The following RTN1 variants were observed in gnomAD, a reference collection of about 807,000 sequenced individuals.
RTN1 encodes reticulon-1.
In RTN1, 25 loss-of-function variants were observed where a neutral mutation model predicts 65.5. The ratio of observed to expected loss-of-function variants is 0.38; its 90% CI spans 0.28 to 0.53. RTN1 has a LOEUF of 0.53. Among genes scored for constraint, RTN1 ranks in the 20% least tolerant of loss-of-function variants. The pLI, the probability that RTN1 is intolerant of heterozygous loss-of-function variation, is 0.79. For missense variants in RTN1, 983 were observed against 1,025.4 expected (o/e 0.96, Z 0.57); for synonymous variants, 471 against 447.6 (o/e 1.05, Z -0.66).
intron 3 of RTN1, among the ~76,000 whole-genome samples, chr14:59,720,044 T>A (rs1884615484): frequency 1.3e-5 from 2 of 152,168 alleles, no homozygotes; most frequent in Admixed American, 6.5e-5. Flanking sequence ...AAACCAAATT[T>A]ACTAGGAGGG....
intron 3 of RTN1, among the ~76,000 whole-genome samples, chr14:59,665,585 A>G (rs1173574557): frequency 6.6e-6 from 1 of 152,232 alleles, no homozygotes. Flanking sequence ...AGATTCACAT[A>G]TAACAATATT....
rs1350429882 is a variant in RTN1 at position 59,745,963 on chromosome 14, A to G, written c.760T>C (p.Leu254=). The G allele has an allele frequency of 2.5e-6, 4 of 1,613,862 alleles. No homozygotes were observed. The highest frequency in any genetic ancestry group is 1.6e-4 in the Middle Eastern group (1 of 6,082). ...GGAGCAAATGTGGATTCTTCCAATA[A>G]ATGGTCCTTGATGATTTTTCCCTCC... The part of the protein sequence containing the change: ...PVEGKIIKDH[L]LEESTFAPYI... The change falls in exon 2 of 9, where the codon TTA becomes CTA. Residue 254 remains leucine, a synonymous_variant. Coordinates refer to ENST00000267484, the MANE Select transcript of RTN1 (RefSeq NM_021136.3).
chr14:59,704,813 A>G (rs1410609815), intron 3 of RTN1, among the ~76,000 whole-genome samples: 1 of 151,920 alleles, frequency 6.6e-6, no homozygotes, highest in Non-Finnish European at 1.5e-5. Context: ...AAGAAAACCC[A>G]CCTCTCCCAA....
At chr14:59,751,985 G>C (rs1399974032) in intron 1 of RTN1, among the ~76,000 whole-genome samples, 2 of 152,144 alleles carry the variant, frequency 1.3e-5, no homozygotes, top group Non-Finnish European at 2.9e-5. Context: ...CACTTGACCA[G>C]CTTTTCTAGC....
At chr14:59,681,066 T>C (rs1883735429) in intron 3 of RTN1, among the ~76,000 whole-genome samples, 2 of 152,128 alleles carry the variant, frequency 1.3e-5, no homozygotes, top group Non-Finnish European at 2.9e-5. Context: ...TCTATATTAA[T>C]AGTATGTGTG....
chr14:59,710,303 C>T (rs1322156140), intron 3 of RTN1, among the ~76,000 whole-genome samples: 10 of 152,148 alleles, frequency 6.6e-5, no homozygotes, highest in Admixed American at 6.5e-4. Flanking sequence ...GTTGGGATTA[C>T]AGGCATGAGC....
intron 1 of RTN1, among the ~76,000 whole-genome samples, chr14:59,786,600 A>G (rs1886253726): frequency 6.6e-6 from 1 of 152,216 alleles, no homozygotes; most frequent in African/African-American, 2.4e-5. Context: ...AAGGGCAGAA[A>G]GAGTTTTGAG....
chr14:59,869,662 C>A (rs1887859160), intron 1 of RTN1, among the ~76,000 whole-genome samples: 1 of 151,994 alleles, frequency 6.6e-6, no homozygotes, highest in South Asian at 2.1e-4. Flanking sequence ...CACAGCCAGG[C>A]CCGCCGCACT....
intron 1 of RTN1, among the ~76,000 whole-genome samples, chr14:59,750,059 CATATATT>C (rs372456729): frequency 0.34 from 22,836 of 67,206 alleles, 3,987 homozygotes; most frequent in African/African-American, 0.41. Flanking sequence ...ATATTATATA[CATATATT>C]ATATATTATA....
intron 1 of RTN1, among the ~76,000 whole-genome samples, chr14:59,773,655 C>T (rs1885999405): frequency 6.6e-6 from 1 of 152,090 alleles, no homozygotes; most frequent in Non-Finnish European, 1.5e-5. Context: ...GAGTTACCAA[C>T]TCATAACTCT....
intron 2 of RTN1, among the ~76,000 whole-genome samples, chr14:59,733,212 C>T (rs1884938472): frequency 6.6e-6 from 1 of 152,114 alleles, no homozygotes; most frequent in Non-Finnish European, 1.5e-5. Context: ...CTGCTTCAGA[C>T]TCCAGAGTAG....
chr14:59,749,682 TATATTTAC>T (rs1885387704), intron 1 of RTN1, among the ~76,000 whole-genome samples: 1 of 65,824 alleles, frequency 1.5e-5, no homozygotes, highest in Non-Finnish European at 2.5e-5. Flanking sequence ...TATATATCTA[TATATTTAC>T]ATATATATCT....
At chr14:59,624,127 C>A (rs563915764) in intron 3 of RTN1, among the ~76,000 whole-genome samples, 30 of 152,182 alleles carry the variant, frequency 2.0e-4, no homozygotes, top group Non-Finnish European at 3.5e-4. Context: ...TTTCCTTTGG[C>A]AACATATAAA....
intron 2 of RTN1, among the ~76,000 whole-genome samples, chr14:59,738,935 T>C (rs1358428757): frequency 1.3e-5 from 2 of 151,556 alleles, no homozygotes; most frequent in Non-Finnish European, 2.9e-5. Context: ...CACTTATAAG[T>C]GGGAACTGAA....
At chr14:59,715,955 A>G (rs537581198) in intron 3 of RTN1, among the ~76,000 whole-genome samples, 16 of 152,328 alleles carry the variant, frequency 1.1e-4, no homozygotes, top group African/African-American at 3.6e-4. Flanking sequence ...CTTTATTTTC[A>G]ACATTTAAGA....
chr14:59,616,749 A>G (rs1882112486), intron 3 of RTN1, among the ~76,000 whole-genome samples: 1 of 152,220 alleles, frequency 6.6e-6, no homozygotes, highest in Non-Finnish European at 1.5e-5. Context: ...AAGGCAGTTT[A>G]TAATCAGATA....
intron 1 of RTN1, among the ~76,000 whole-genome samples, chr14:59,820,955 C>T (rs1223826191): frequency 6.6e-6 from 1 of 152,152 alleles, no homozygotes; most frequent in Non-Finnish European, 1.5e-5. Context: ...ATGCCTCTGG[C>T]TTTGTTCTTT....
chr14:59,662,170 T>C (rs908515938), intron 3 of RTN1, among the ~76,000 whole-genome samples: 1 of 152,094 alleles, frequency 6.6e-6, no homozygotes, highest in African/African-American at 2.4e-5. Context: ...TTTCTTTTTT[T>C]TTTATTATAC....
intron 1 of RTN1, among the ~76,000 whole-genome samples, chr14:59,780,890 C>T (rs1023693570): frequency 1.3e-5 from 2 of 152,110 alleles, no homozygotes; most frequent in Non-Finnish European, 2.9e-5. Flanking sequence ...GAAGTGGAGA[C>T]GCCTGTCTGG....
Sources: allele counts gnomAD v4.1 joint callset (sites outside exome capture counted in the v4.1 genomes callset), GRCh38; gene constraint gnomAD v4.1.1; transcripts MANE v1.5; gene names NCBI Gene and HGNC (gene_info 2026-07-23, HGNC 2026-07-21).